Variants in SYNPO observed in about 807,000 individuals in gnomAD.
The protein encoded by SYNPO is synaptopodin.
Under a neutral mutation model 49.5 loss-of-function variants are expected in SYNPO, and 19 were observed. That is an observed-to-expected ratio of 0.38 (90% CI 0.27 to 0.56). The LOEUF (loss-of-function observed/expected upper bound fraction) is 0.56, where lower values mean the gene tolerates loss of function less well. Ranked by LOEUF, SYNPO falls within the 20% of genes least tolerant of loss-of-function variation. The pLI is 0.68. For synonymous variants in SYNPO, 536 were observed against 548.0 expected, an observed-to-expected ratio of 0.98 and a Z score of 0.31; for missense variants, 1,131 against 1,248.3, an observed-to-expected ratio of 0.91 and a Z score of 1.42.
At chr5:150,617,892 T>C (rs1561637284) in intron 1 of SYNPO, among the ~76,000 whole-genome samples, 1 of 152,212 alleles carries the variant, frequency 6.6e-6, no homozygotes, top group Admixed American at 6.5e-5. Flanking sequence ...AAATATTAGA[T>C]AAAGTTTCAG....
the SYNPO span, among the ~76,000 whole-genome samples, chr5:150,587,820 G>C: frequency 6.6e-6 from 1 of 152,182 alleles, no homozygotes. Context: ...AGAAGGCTTT[G>C]TTCCAGTCCT....
rs780037983 is a variant in SYNPO, at chr5:150,648,558, G to A, written c.283G>A (p.Asp95Asn). Residue 95 changes from aspartate to asparagine, a missense_variant, in exon 2 of 3, where the codon GAT becomes AAT. Physicochemically the swap from Asp to Asn is conservative, Grantham distance 23. Coordinates refer to ENST00000307662, the MANE Select transcript of SYNPO (RefSeq NM_007286.6). This position sits in a 1 kb window ranked among gnomAD's most constrained non-coding sequence, Gnocchi z 5.0. ...SNSSHNPPAT[D>N]VNQNPPATVV... ...CAGCAGCCACAATCCGCCAGCCACC[G>A]ATGTCAATCAGAACCCACCGGCAAC... 4 of 1,614,134 alleles carry A rather than the reference G, an allele frequency of 2.5e-6. No homozygotes were observed. The highest frequency in any genetic ancestry group is 3.4e-6 in the Non-Finnish European group (4 of 1,180,026).
At chr5:150,633,164 T>C (rs1581486208) in intron 2 of SYNPO, among the ~76,000 whole-genome samples, 1 of 152,342 alleles carries the variant, frequency 6.6e-6, no homozygotes, top group East Asian at 1.9e-4. Flanking sequence ...GGTTCCTGCC[T>C]TCCAGGAGCT....
At chr5:150,596,905 G>A (rs1756435538), upstream of SYNPO, among the ~76,000 whole-genome samples, 1 of 152,240 alleles carries the variant, frequency 6.6e-6, no homozygotes. Context: ...CCAACCATTA[G>A]AGTTTGCAAG....
chr5:150,587,704 T>TTTCACTTC, the SYNPO span, among the ~76,000 whole-genome samples: 1 of 152,334 alleles, frequency 6.6e-6, no homozygotes, highest in South Asian at 2.1e-4. Flanking sequence ...GATGAGCAGA[T>TTTCACTTC]AGGCTCTGAG....
intron 1 of SYNPO, among the ~76,000 whole-genome samples, chr5:150,643,084 G>C (rs1757966328): frequency 6.6e-6 from 1 of 152,200 alleles, no homozygotes; most frequent in Non-Finnish European, 1.5e-5. Context: ...AGCCAGTAAG[G>C]AGAAAAGCAG....
intron 2 of SYNPO, chr5:150,653,335 T>G (rs1758454796): frequency 6.6e-6 from 1 of 152,268 alleles, no homozygotes; most frequent in Non-Finnish European, 1.5e-5. Flanking sequence ...CAATCCCGTT[T>G]GAGCCCTTCT....
chr5:150,634,882 G>A lies in SYNPO; in HGVS notation c.401-13062G>A, dbSNP rs540449507. ...CACACACCACACACACACACACAAA[G>A]GGGACACTCTCCACAGCCACATGAT... is the stretch of plus-strand genomic sequence containing the variant. On this transcript the variant is annotated intron_variant, in intron 2 of 2. Transcript: ENST00000394243. Among the ~76,000 whole-genome samples, 19 of 149,928 alleles carry A rather than the reference G, an allele frequency of 1.3e-4. No homozygotes were observed. In the South Asian group the frequency reaches 3.8e-3, roughly 30 times the overall value.
At position 150,653,003 on chromosome 5, in the gene SYNPO, C is replaced by T. The variant is rs1032062802; in HGVS notation, c.2028+2700C>T. The T allele has an allele frequency of 3.3e-5, 5 of 152,212 alleles. No individual in the cohort carries two copies. The East Asian group carries it at 5.8e-4, about 18-fold the overall frequency. 9.4% of individuals were successfully genotyped at this position (152,212 alleles called of 1,614,324 possible). On this transcript the variant is annotated intron_variant, in intron 2 of 2. Coordinates refer to ENST00000307662, the MANE Select transcript of SYNPO (RefSeq NM_007286.6). ...AGGAGGTCAGAGACCATTTGGTCTC[C>T]GACAGTCCAGGTTTGACTGTGTTCT...
intron 2 of SYNPO, among the ~76,000 whole-genome samples, chr5:150,625,258 G>T (rs982035735): frequency 1.3e-5 from 2 of 152,238 alleles, no homozygotes; most frequent in Admixed American, 1.3e-4. Context: ...CAACAGCCCA[G>T]AGTCTGTCTC....
chr5:150,621,419 G>A (rs560912861), intron 2 of SYNPO, among the ~76,000 whole-genome samples: 18 of 152,292 alleles, frequency 1.2e-4, no homozygotes, highest in South Asian at 4.1e-4. Flanking sequence ...GTCAAAATCC[G>A]GTGGTCTTGG....
Position 150,656,432 on chromosome 5 carries a change from C to T in SYNPO, c.2057C>T (p.Pro686Leu), listed in dbSNP as rs774669566. 5.0e-5 allele frequency: 76 copies of T among 1,531,948 alleles called. No homozygotes were observed. The highest frequency in any genetic ancestry group is 6.6e-5 in the Non-Finnish European group (76 of 1,145,328). 94.9% of individuals were successfully genotyped at this position (1,531,948 alleles called of 1,614,324 possible). A position where few individuals can be genotyped will look rare whatever the true frequency, so the allele number is the denominator to read the frequency against. Residue 686 changes from proline to leucine, a missense_variant, in exon 3 of 3, where the codon CCA (proline) becomes CTA (leucine). Around this residue, in one of 4 missense-constraint regions of SYNPO, gnomAD observed 509 missense variants for 484.5 expected, o/e 1.05. Coordinates refer to ENST00000307662, the MANE Select transcript of SYNPO (RefSeq NM_007286.6). ...CGCCGGGAGAGCCTGCCCACCTCCC[C>T]ACCCTGGACGCCGGGCGCGTCCCGG... ...QDRRESLPTS[P>L]PWTPGASRPP... is the part of the protein sequence containing the mutation.
chr5:150,612,937 C>T (rs1466567051), intron 1 of SYNPO, among the ~76,000 whole-genome samples: 2 of 152,050 alleles, frequency 1.3e-5, no homozygotes, highest in African/African-American at 2.4e-5. Flanking sequence ...TGCCACAATG[C>T]CTGGCTAATA....
At chr5:150,617,449 C>A (rs530378155) in intron 1 of SYNPO, among the ~76,000 whole-genome samples, 3 of 152,314 alleles carry the variant, frequency 2.0e-5, no homozygotes, top group Admixed American at 2.0e-4. Context: ...GTGCCTACCA[C>A]TACGCCCAGC....
At chr5:150,653,009 T>C (rs1017607732) in intron 2 of SYNPO, 11 of 152,212 alleles carry the variant, frequency 7.2e-5, no homozygotes, top group Non-Finnish European at 1.3e-4. Context: ...TCTCCGACAG[T>C]CCAGGTTTGA....
Position 150,657,730 on chromosome 5 carries a change from T to C in SYNPO, c.*643T>C, listed in dbSNP as rs1758629286. 6.6e-6 allele frequency: 1 copy of C among 152,602 alleles called. No homozygotes were observed. The highest frequency in any genetic ancestry group is 2.1e-4 in the South Asian group (1 of 4,834). 9.5% of individuals were successfully genotyped at this position (152,602 alleles called of 1,614,324 possible). A position where few individuals can be genotyped will look rare whatever the true frequency, so the allele number is the denominator to read the frequency against. ...CAGACAAGCTCTATTTTTATCACAATGACCTTTAGAGAGGTCTCCCAGGCC... is the reference window on the plus strand; with the variant it reads ...CAGACAAGCTCTATTTTTATCACAACGACCTTTAGAGAGGTCTCCCAGGCC... On this transcript the variant is annotated 3_prime_UTR_variant, in exon 3 of 3. Coordinates refer to ENST00000307662, the MANE Select transcript of SYNPO (RefSeq NM_007286.6).
chr5:150,650,217 G>T lies in SYNPO; in HGVS notation c.1942G>T (p.Val648Leu). 1.2e-6 allele frequency: 2 copies of T among 1,613,694 alleles called. No individual in the cohort carries two copies. The highest frequency in any genetic ancestry group is 1.3e-5 in the African/African-American group (1 of 75,040). The change falls in exon 2 of 3, where the codon GTG (valine) becomes TTG (leucine). Residue 648 changes from valine to leucine, a missense_variant. By Grantham distance (32) the Val-to-Leu change is conservative (BLOSUM62 1). This residue lies in a region of SYNPO where 509 missense variants were observed against 484.5 expected (regional missense o/e 1.05). Transcript: ENST00000307662. ...SPPYGGDISP[V>L]SPSRAWSPRA... ...TCCTTACGGCGGTGACATCTCCCCCGTGTCTCCCTCCAGGGCGTGGTCTCC... is the reference window on the plus strand; with the variant it reads ...TCCTTACGGCGGTGACATCTCCCCCTTGTCTCCCTCCAGGGCGTGGTCTCC...
the SYNPO span, among the ~76,000 whole-genome samples, chr5:150,593,205 G>A: frequency 6.6e-6 from 1 of 152,344 alleles, no homozygotes; most frequent in Admixed American, 6.5e-5. Flanking sequence ...TGGAGGCCCT[G>A]ACTTGTGTGC....
chr5:150,646,027 T>A (rs1380489444), intron 1 of SYNPO, among the ~76,000 whole-genome samples: 1 of 152,190 alleles, frequency 6.6e-6, no homozygotes, highest in Non-Finnish European at 1.5e-5. Context: ...ACTGTATACC[T>A]TTTTATGTTT....
Sources: allele counts gnomAD v4.1 joint callset (sites outside exome capture counted in the v4.1 genomes callset), GRCh38; gene constraint gnomAD v4.1.1; regional missense constraint gnomAD v4.1.1; non-coding constraint Gnocchi (gnomAD v3.1); transcripts MANE v1.5; gene names NCBI Gene and HGNC (gene_info 2026-07-23, HGNC 2026-07-21).